Variants in ANKRD30A observed in about 807,000 individuals in gnomAD.
The protein encoded by ANKRD30A is ankyrin repeat domain 30A.
A neutral mutation model predicts 166.3 loss-of-function variants in ANKRD30A; 170 were observed. That is an observed-to-expected ratio of 1.02 (90% CI 0.90 to 1.16). ANKRD30A has a LOEUF of 1.16. Among genes scored for constraint, ANKRD30A ranks in the 50% most tolerant of loss-of-function variants. The pLI is 0.00. For missense variants in ANKRD30A, 1,630 were observed against 1,518.0 expected (o/e 1.07, Z -1.23); for synonymous variants, 564 against 508.9 (o/e 1.11, Z -1.46).
intron 31 of ANKRD30A, among the ~76,000 whole-genome samples, chr10:37,214,125 T>C (rs1015532181): frequency 2.0e-5 from 3 of 151,652 alleles, no homozygotes; most frequent in Non-Finnish European, 4.4e-5. Flanking sequence ...TGTTATGTTT[T>C]CTTGATTAAG....
intron 6 of ANKRD30A, among the ~76,000 whole-genome samples, chr10:37,140,529 C>G (rs1477940897): frequency 1.3e-5 from 2 of 152,136 alleles, no homozygotes; most frequent in Non-Finnish European, 2.9e-5. Context: ...TCACTATTAT[C>G]AACTTCATTT....
chr10:37,224,495 A>T (rs1015764312), intron 34 of ANKRD30A, among the ~76,000 whole-genome samples: 7 of 150,602 alleles, frequency 4.6e-5, no homozygotes, highest in Admixed American at 1.3e-4. Flanking sequence ...CACATATATT[A>T]TATGTATATA....
chr10:37,248,127 G>A, the ANKRD30A span: 22 of 603,054 alleles, frequency 3.6e-5, no homozygotes, highest in Admixed American at 9.4e-5. Context: ...GATTTTCACC[G>A]CTATGCCTCC....
chr10:37,161,289 T>G (rs978137359), intron 15 of ANKRD30A, among the ~76,000 whole-genome samples: 1 of 152,122 alleles, frequency 6.6e-6, no homozygotes, highest in African/African-American at 2.4e-5. Flanking sequence ...TGCTTTTATT[T>G]CTGGGTATGC....
At chr10:37,214,540 G>A (rs866237653) in intron 31 of ANKRD30A, among the ~76,000 whole-genome samples, 16 of 139,800 alleles carry the variant, frequency 1.1e-4, no homozygotes, top group African/African-American at 4.1e-4. Flanking sequence ...AGTTTTATAG[G>A]TATATATATA....
chr10:37,213,129 A>G (rs934016550), intron 31 of ANKRD30A, among the ~76,000 whole-genome samples: 4 of 151,694 alleles, frequency 2.6e-5, no homozygotes, highest in Non-Finnish European at 4.4e-5. Context: ...TATTCGTTCC[A>G]TCTCTGATGT....
chr10:37,217,944 C>T lies in ANKRD30A; in HGVS notation c.3267+66C>T, dbSNP rs553410465. On this transcript the variant is annotated intron_variant, in intron 33 of 35. Transcript: ENST00000361713. Reference sequence around the variant, plus strand: ...ATTTCATCAATATTACTTTTAATATCCCTTTGATTTAGTATGTATTATTCA... The same window carrying T: ...ATTTCATCAATATTACTTTTAATATTCCTTTGATTTAGTATGTATTATTCA... 1.7e-5 allele frequency: 20 copies of T among 1,187,276 alleles called. No homozygotes were observed. In the East Asian group the frequency reaches 2.3e-4, roughly 14 times the overall value. 73.5% of individuals were successfully genotyped at this position (1,187,276 alleles called of 1,614,324 possible).
In ANKRD30A at chr10:37,129,925, A is replaced by G. The variant is rs1483787974; in HGVS notation, c.254A>G (p.His85Arg). The G allele has an allele frequency of 2.5e-6, 4 of 1,571,986 alleles. No individual in the cohort carries two copies. In the African/African-American group the frequency reaches 4.1e-5, roughly 16 times the overall value. ...CTACACTGGGCCTGTGTCAATGGCC[A>G]TGAGGAAGTAGTAACATTTCTGGTA... ...TALHWACVNG[H>R]EEVVTFLVDR... Residue 85 changes from histidine (H) to arginine (R), a missense_variant, in exon 2 of 36, where the codon CAT becomes CGT. Physicochemically the swap from His to Arg is conservative, Grantham distance 29. Around this residue, in one of 4 missense-constraint regions of ANKRD30A, gnomAD observed 904 missense variants for 818.5 expected, o/e 1.10. Transcript: ENST00000361713.
chr10:37,246,726 A>C, the ANKRD30A span, among the ~76,000 whole-genome samples: 1 of 152,258 alleles, frequency 6.6e-6, no homozygotes, highest in East Asian at 1.9e-4. Flanking sequence ...AGAGGCATTA[A>C]GGATGGTTCT....
intron 31 of ANKRD30A, 32 bp downstream of exon 31, chr10:37,201,357 T>G: frequency 6.8e-7 from 1 of 1,468,986 alleles, no homozygotes; most frequent in Non-Finnish European, 9.3e-7. Flanking sequence ...AAAGGTCATT[T>G]GACCAAGTAT....
Position 37,203,674 on chromosome 10 carries a change from A to C in ANKRD30A, c.2869+2349A>C, listed in dbSNP as rs140335064. On this transcript the variant is annotated intron_variant, in intron 31 of 35. Coordinates refer to ENST00000361713, the MANE Select transcript of ANKRD30A (RefSeq NM_052997.3). Reference sequence around the variant, plus strand: ...GAGAAAGAAATGAATGGTATTCAATAAGGAATAGAGGAAGTCAAATTTTCC... The same window carrying C: ...GAGAAAGAAATGAATGGTATTCAATCAGGAATAGAGGAAGTCAAATTTTCC... Among the ~76,000 whole-genome samples the C allele has an allele frequency of 3.9e-3, 592 of 152,266 alleles. 3 individuals carry two copies. Among genetic ancestry groups the C allele is most frequent in the Non-Finnish European group, 6.6e-3 (450 of 68,022 alleles).
chr10:37,262,838 A>C, the ANKRD30A span, among the ~76,000 whole-genome samples: 1 of 152,178 alleles, frequency 6.6e-6, no homozygotes, highest in African/African-American at 2.4e-5. Context: ...ATAAAGACTA[A>C]AAAAATTTAA....
At chr10:37,201,191 A>C (rs776537943) in intron 30 of ANKRD30A, 44 bp from the exon 31 acceptor site, 2 of 1,403,566 alleles carry the variant, frequency 1.4e-6, no homozygotes, top group Non-Finnish European at 1.9e-6. Flanking sequence ...CTTCATTATT[A>C]GGATTTTTCC....
the ANKRD30A span, among the ~76,000 whole-genome samples, chr10:37,253,871 C>T: frequency 2.6e-5 from 4 of 151,998 alleles, no homozygotes; most frequent in Non-Finnish European, 5.9e-5. Context: ...AGGATGGTCT[C>T]GATCTCCTGA....
In ANKRD30A at chr10:37,125,928, C is replaced by T. The variant is rs1835973897; in HGVS notation, c.141C>T (p.Ser47=). Residue 47 remains serine (S), a synonymous_variant, in exon 1 of 36, where the codon TCC becomes TCT. Coordinates refer to ENST00000361713, the MANE Select transcript of ANKRD30A (RefSeq NM_052997.3). ...TTAGAAAGATCCATAAAGCTGCCTC[C>T]CGGGGACAAGTCCGGAAGCTGGAGA... The part of the protein sequence containing the change: ...GDLRKIHKAA[S]RGQVRKLEKM... The T allele has an allele frequency of 6.2e-7, 1 of 1,611,606 alleles. No homozygotes were observed.
intron 21 of ANKRD30A, among the ~76,000 whole-genome samples, chr10:37,172,555 T>G (rs2132623768): frequency 6.8e-6 from 1 of 146,566 alleles, no homozygotes; most frequent in South Asian, 2.1e-4. Flanking sequence ...TTTTTTTTTT[T>G]TTTTTTTTTT....
chr10:37,216,267 A>G lies in ANKRD30A; in HGVS notation c.2956A>G (p.Thr986Ala), dbSNP rs765198541. 3 of 1,608,528 alleles carry G rather than the reference A, an allele frequency of 1.9e-6. No homozygotes were observed. The highest frequency in any genetic ancestry group is 2.6e-6 in the Non-Finnish European group (3 of 1,176,134). The change falls in exon 32 of 36, where the codon ACA (threonine) becomes GCA (alanine). Residue 986 changes from threonine (T) to alanine (A), a missense_variant. Physicochemically the swap from Thr to Ala is moderately conservative, Grantham distance 58. Around this residue, in one of 4 missense-constraint regions of ANKRD30A, gnomAD observed 712 missense variants for 629.3 expected, o/e 1.13. Coordinates refer to ENST00000361713, the MANE Select transcript of ANKRD30A (RefSeq NM_052997.3). ...TCAAAAAGATCACTGTGAACAACGT[A>G]CAGGAAAAATGGAACAAATGAAAAA... ...ELQKDHCEQR[T>A]GKMEQMKKKF... is the part of the protein sequence containing the mutation.
chr10:37,247,890 A>AG, the ANKRD30A span, among the ~76,000 whole-genome samples: 2 of 151,610 alleles, frequency 1.3e-5, no homozygotes, highest in African/African-American at 2.4e-5. Flanking sequence ...TCAAAAAAAA[A>AG]AAAAAAAAGA....
chr10:37,236,936 T>C (rs1843696658), downstream of ANKRD30A, among the ~76,000 whole-genome samples: 1 of 152,220 alleles, frequency 6.6e-6, no homozygotes, highest in South Asian at 2.1e-4. Context: ...TTTAACAAAC[T>C]TGTTCTTTAC....
Sources: gnomAD v4.1 joint callset for allele counts (sites outside exome capture counted in the v4.1 genomes callset) on GRCh38, gnomAD v4.1.1 for gene constraint, gnomAD v4.1.1 regional missense constraint, MANE v1.5 for transcripts, NCBI Gene and HGNC (gene_info 2026-07-23, HGNC 2026-07-21) for gene names.